Variants in DMXL2 observed in about 807,000 individuals in gnomAD.
DMXL2 encodes the protein dmX-like protein 2.
In DMXL2, 103 loss-of-function variants were observed where a neutral mutation model predicts 331.1. That is an observed-to-expected ratio of 0.31 (90% CI 0.27 to 0.37). The LOEUF is 0.37. Among genes scored for constraint, DMXL2 ranks in the 10% least tolerant of loss-of-function variants. DMXL2 has a pLI of 1.00. For missense variants in DMXL2, 3,171 were observed against 3,642.9 expected, an observed-to-expected ratio of 0.87 and a Z score of 3.33; for synonymous variants, 1,281 against 1,252.1, an observed-to-expected ratio of 1.02 and a Z score of -0.49.
intron 13 of DMXL2, among the ~76,000 whole-genome samples, chr15:51,532,238 TG>T (rs2048041975): frequency 6.6e-6 from 1 of 151,414 alleles, no homozygotes; most frequent in African/African-American, 2.4e-5. Flanking sequence ...GCAACAAGGA[TG>T]GAACTGGAGG....
At chr15:51,543,406 A>G (rs1029133441) in intron 8 of DMXL2, among the ~76,000 whole-genome samples, 6 of 152,174 alleles carry the variant, frequency 3.9e-5, no homozygotes, top group African/African-American at 1.4e-4. Context: ...GCATATGGAA[A>G]ACAGTATCAG....
At chr15:51,500,374 G>C (rs2043502853) in intron 17 of DMXL2, 143 bp from the exon 18 acceptor site, 1 of 854,772 alleles carries the variant, frequency 1.2e-6, no homozygotes, top group Non-Finnish European at 1.7e-6. Context: ...CTCTTAACTA[G>C]TATCCCACTA....
chr15:51,616,856 G>C (rs1311050893), intron 1 of DMXL2, among the ~76,000 whole-genome samples: 2 of 144,032 alleles, frequency 1.4e-5, no homozygotes, highest in South Asian at 2.3e-4. Flanking sequence ...AGAATCGCTT[G>C]AACCTAGGAG....
chr15:51,607,016 G>C (rs558362002), intron 1 of DMXL2, among the ~76,000 whole-genome samples: 3 of 152,152 alleles, frequency 2.0e-5, no homozygotes, highest in Non-Finnish European at 2.9e-5. Context: ...AAATTAGCTA[G>C]GCATGGTGAT....
intron 1 of DMXL2, among the ~76,000 whole-genome samples, chr15:51,620,840 T>C (rs2054578383): frequency 6.6e-6 from 1 of 152,196 alleles, no homozygotes; most frequent in Non-Finnish European, 1.5e-5. Context: ...TAACCACACC[T>C]GCACAGCACT....
intron 17 of DMXL2, among the ~76,000 whole-genome samples, chr15:51,500,868 T>C (rs373797645): frequency 3.9e-5 from 6 of 152,308 alleles, no homozygotes; most frequent in Admixed American, 1.3e-4. Context: ...CAAGGGGATA[T>C]AGAGATTAAA....
At chr15:51,520,387 T>G (rs896206283) in intron 13 of DMXL2, among the ~76,000 whole-genome samples, 4 of 152,210 alleles carry the variant, frequency 2.6e-5, no homozygotes, top group African/African-American at 9.6e-5. Flanking sequence ...CAGAGAATCA[T>G]TTTTAAAATA....
In DMXL2 at chr15:51,499,778, C is replaced by A. The variant is rs775038918; in HGVS notation, c.3446G>T (p.Ser1149Ile). The change falls in exon 18 of 44, where the codon AGC becomes ATC. Residue 1149 changes from serine (S) to isoleucine (I), a missense_variant. Coordinates refer to ENST00000560891, the MANE Select transcript of DMXL2 (RefSeq NM_001378457.1). ...CTTGCTCAAGAGTGCATCTGACTTG[C>A]TATACACAAACAGATTACTGTCGAC... ...VSVDSNLFVY[S>I]KSDALLSKDR... The A allele has an allele frequency of 4.3e-6, 7 of 1,613,972 alleles. No homozygotes were observed. In the Admixed American group the frequency reaches 1.2e-4, roughly 27 times the overall value.
At chr15:51,482,644 T>A (rs1204337546) in intron 23 of DMXL2, among the ~76,000 whole-genome samples, 1 of 152,216 alleles carries the variant, frequency 6.6e-6, no homozygotes, top group Non-Finnish European at 1.5e-5. Context: ...TTTCCAGGTC[T>A]GGGGCAGGAA....
intron 2 of DMXL2, among the ~76,000 whole-genome samples, chr15:51,568,945 A>G (rs980764478): frequency 4.6e-5 from 7 of 152,154 alleles, no homozygotes; most frequent in Admixed American, 4.6e-4. Context: ...CAGTGGGTAC[A>G]GCCCGCAGAG....
Position 51,453,613 on chromosome 15 carries a change from C to T in DMXL2, c.8633G>A (p.Ser2878Asn). ...MSWQCHSKAT[S>N]DFAFITSSSL... ...TGAAGAGGTAATAAATGCAAAGTCA[C>T]TTGTGGCTTTACTGTGGCACTGCCA... Residue 2878 changes from serine (S) to asparagine (N), a missense_variant, in exon 41 of 44, where the codon AGT becomes AAT. Around this residue, in one of 7 missense-constraint regions of DMXL2, gnomAD observed 766 missense variants for 940.5 expected, o/e 0.81. Transcript: ENST00000560891. The T allele has an allele frequency of 6.2e-7, 1 of 1,613,722 alleles. No homozygotes were observed. Among genetic ancestry groups the T allele is most frequent in the Non-Finnish European group, 8.5e-7 (1 of 1,179,866 alleles).
intron 37 of DMXL2, 125 bp downstream of exon 37, chr15:51,457,203 T>G: frequency 1.0e-6 from 1 of 996,422 alleles, no homozygotes; most frequent in Non-Finnish European, 1.4e-6. Context: ...ATGTCAGCTG[T>G]CATTATCATG....
intron 20 of DMXL2, among the ~76,000 whole-genome samples, chr15:51,490,008 T>C (rs1374100146): frequency 6.6e-6 from 1 of 152,238 alleles, no homozygotes; most frequent in African/African-American, 2.4e-5. Flanking sequence ...GTATGTCCTC[T>C]TTTATCCAGT....
At position 51,559,753 on chromosome 15, in the gene DMXL2, G is replaced by A. The variant is rs575750834; in HGVS notation, c.567+3628C>T. Among the ~76,000 whole-genome samples, 8 of 152,080 alleles carry A rather than the reference G, an allele frequency of 5.3e-5. No homozygotes were observed. The South Asian group carries it at 1.5e-3, about 28-fold the overall frequency. ...CAAAAAGCAAAAAAAACTACACGGA[G>A]GTGGTACTTGACATCTACCAAATTT... is the stretch of plus-strand genomic sequence containing the variant. On this transcript the variant is annotated intron_variant, in intron 6 of 43. Coordinates refer to ENST00000560891, the MANE Select transcript of DMXL2 (RefSeq NM_001378457.1).
At chr15:51,515,885 C>T (rs185520966) in intron 14 of DMXL2, among the ~76,000 whole-genome samples, 1 of 152,146 alleles carries the variant, frequency 6.6e-6, no homozygotes, top group East Asian at 1.9e-4. Context: ...TTCTACATTC[C>T]TATTGAGTAG....
intron 1 of DMXL2, among the ~76,000 whole-genome samples, chr15:51,609,390 T>C (rs1030876499): frequency 2.6e-5 from 4 of 152,248 alleles, no homozygotes; most frequent in Non-Finnish European, 5.9e-5. Flanking sequence ...TACAGTCATG[T>C]GCCACGTAAC....
chr15:51,535,098 T>C (rs990714559), intron 13 of DMXL2, among the ~76,000 whole-genome samples: 27 of 152,208 alleles, frequency 1.8e-4, no homozygotes, highest in African/African-American at 6.0e-4. Flanking sequence ...AAAATAGTCA[T>C]TGGTTTTCAA....
chr15:51,495,975 A>G (rs559197528), intron 18 of DMXL2, among the ~76,000 whole-genome samples: 15 of 152,102 alleles, frequency 9.9e-5, no homozygotes, highest in African/African-American at 3.6e-4. Context: ...AAGTATTTAC[A>G]GTTTTGCCAT....
chr15:51,593,573 C>T (rs1244332252), intron 1 of DMXL2, among the ~76,000 whole-genome samples: 5 of 152,210 alleles, frequency 3.3e-5, no homozygotes, highest in African/African-American at 1.2e-4. Context: ...ACCTAATAGA[C>T]ATCTACAGAA....
Sources: gnomAD v4.1 joint callset for allele counts (sites outside exome capture counted in the v4.1 genomes callset) on GRCh38, gnomAD v4.1.1 for gene constraint, gnomAD v4.1.1 regional missense constraint, MANE v1.5 for transcripts, NCBI Gene and HGNC (gene_info 2026-07-23, HGNC 2026-07-21) for gene names.